The following DSG1 variants were observed in gnomAD, a reference collection of about 807,000 sequenced individuals.
DSG1 encodes desmoglein-1.
A neutral mutation model predicts 97.5 loss-of-function variants in DSG1; 39 were observed. The ratio of observed to expected loss-of-function variants is 0.40; its 90% confidence interval spans 0.31 to 0.52. DSG1 has a LOEUF of 0.52. Ranked by LOEUF, DSG1 falls within the 20% of genes least tolerant of loss-of-function variation. The pLI, the probability that DSG1 is intolerant of heterozygous loss-of-function variation, is 0.53. For synonymous variants in DSG1, 475 were observed against 443.4 expected (o/e 1.07, Z -0.90); for missense variants, 1,311 against 1,295.4 (o/e 1.01, Z -0.18).
intron 13 of DSG1, chr18:31,345,407 G>T (rs2071823991): frequency 6.6e-6 from 1 of 152,340 alleles, no homozygotes; most frequent in Non-Finnish European, 1.5e-5. Flanking sequence ...CCTGTGCAGG[G>T]GCAATCCTAA....
intron 14 of DSG1, chr18:31,354,012 G>A: frequency 5.3e-6 from 2 of 374,428 alleles, no homozygotes; most frequent in Non-Finnish European, 9.8e-6. Context: ...CAATTCATGT[G>A]ATTTTTTTGT....
Position 31,340,119 on chromosome 18 carries a change from A to T in DSG1, c.1687+94A>T, listed in dbSNP as rs1028402875. ...GATTCTTTGATAAAACGTATTTTACAAATTCTCATTTTGTGCAATTATAAA... is the reference window on the plus strand; with the variant it reads ...GATTCTTTGATAAAACGTATTTTACTAATTCTCATTTTGTGCAATTATAAA... On this transcript the variant is annotated intron_variant, in intron 11 of 14. Coordinates refer to ENST00000257192, the MANE Select transcript of DSG1 (RefSeq NM_001942.4). 3.0e-6 allele frequency: 4 copies of T among 1,322,950 alleles called. No homozygotes were observed. In the African/African-American group the frequency reaches 4.4e-5, roughly 15 times the overall value. The allele number at this position is 1,322,950 out of a possible 1,614,324, so 82.0% of individuals were successfully genotyped here.
chr18:31,350,888 T>C (rs1255537447), intron 14 of DSG1, among the ~76,000 whole-genome samples: 1 of 150,854 alleles, frequency 6.6e-6, no homozygotes, highest in Non-Finnish European at 1.5e-5. Flanking sequence ...GCTAGCAGTC[T>C]ATCAATTTTG....
chr18:31,343,532 A>G lies in DSG1; in HGVS notation c.1770A>G (p.Ser590=). The part of the protein sequence containing the change: ...AAGFEPVPEC[S]DGAIHSWAVE... ...GCTTTGAGCCTGTTCCCGAATGTTC[A>G]GATGGAGCAATTCATTCATGGGCAG... Residue 590 remains serine, a synonymous_variant, in exon 12 of 15, where the codon TCA becomes TCG. Coordinates refer to ENST00000257192, the MANE Select transcript of DSG1 (RefSeq NM_001942.4). 2 of 1,614,162 alleles carry G rather than the reference A, an allele frequency of 1.2e-6. No individual in the cohort carries two copies. Among genetic ancestry groups the G allele is most frequent in the Non-Finnish European group, 1.7e-6 (2 of 1,180,030 alleles).
intron 14 of DSG1, among the ~76,000 whole-genome samples, chr18:31,347,125 A>C (rs11875693): frequency 0.04 from 6,046 of 152,274 alleles, 414 homozygotes; most frequent in African/African-American, 0.14. Flanking sequence ...AAGTGGTTTC[A>C]TTAACTAACC....
At chr18:31,338,526 C>A in intron 10 of DSG1, 72 bp downstream of exon 10, 1 of 1,538,836 alleles carries the variant, frequency 6.5e-7, no homozygotes, top group Middle Eastern at 1.7e-4. Context: ...AACATTTTAA[C>A]TATCACATTT....
rs755532326 is a variant in DSG1, at chr18:31,330,016, T to G, written c.497T>G (p.Ile166Arg). 6.2e-7 allele frequency: 1 copy of G among 1,613,102 alleles called. No homozygotes were observed. Among genetic ancestry groups the G allele is most frequent in the Non-Finnish European group, 8.5e-7 (1 of 1,179,248 alleles). The change falls in exon 5 of 15, where the codon ATA becomes AGA. Residue 166 changes from isoleucine to arginine, a missense_variant. Transcript: ENST00000257192. ...TCAATGGCTACATTTGCAGGACAAATAGAAGAAAATTCTAATGCAAGTAAG... is the reference window on the plus strand; with the variant it reads ...TCAATGGCTACATTTGCAGGACAAAGAGAAGAAAATTCTAATGCAAGTAAG... ...VFSMATFAGQ[I>R]EENSNANTLV...
At position 31,334,058 on chromosome 18, in the gene DSG1, G is replaced by C. The variant is rs150445875; in HGVS notation, c.861G>C (p.Leu287Phe). The C allele has an allele frequency of 6.2e-7, 1 of 1,610,538 alleles. No individual in the cohort carries two copies. Among genetic ancestry groups the C allele is most frequent in the Admixed American group, 1.7e-5 (1 of 59,942 alleles). Reference protein sequence around the residue: ...EIQENTLNSNLLEIRVIDLDE... With the variant: ...EIQENTLNSNFLEIRVIDLDE... ...AAGAAAATACTCTAAATTCAAATTT[G>C]CTCGAGATTAGAGTAATTGATTTGG... is the stretch of plus-strand genomic sequence containing the variant. Residue 287 changes from leucine (L) to phenylalanine (F), a missense_variant, in exon 8 of 15, where the codon TTG becomes TTC. Leu to Phe is a conservative substitution (Grantham distance 22). This residue lies in a region of DSG1 where 1,038 missense variants were observed against 964.6 expected (regional missense o/e 1.08). Coordinates refer to ENST00000257192, the MANE Select transcript of DSG1 (RefSeq NM_001942.4).
chr18:31,351,227 C>T (rs2071893408), intron 14 of DSG1, among the ~76,000 whole-genome samples: 1 of 149,162 alleles, frequency 6.7e-6, no homozygotes, highest in African/African-American at 2.5e-5. Flanking sequence ...TCGTTATGTA[C>T]CCAGTAGTCA....
In DSG1 at chr18:31,355,056, A is replaced by T. The variant is rs781541200; in HGVS notation, c.2860A>T (p.Arg954Trp). The T allele has an allele frequency of 1.9e-5, 30 of 1,614,036 alleles. 1 individual carries two copies. In the South Asian group the frequency reaches 3.3e-4, roughly 18 times the overall value. ...TGCCCACAATGTCATTGTGACAGAG[A>T]GGGTTGTTTCTGGTGCTGGCGTAAC... ...ANAHNVIVTERVVSGAGVTGI... is the reference protein window; with the variant it reads ...ANAHNVIVTEWVVSGAGVTGI... The change falls in exon 15 of 15, where the codon AGG becomes TGG. Residue 954 changes from arginine to tryptophan, a missense_variant. Coordinates refer to ENST00000257192, the MANE Select transcript of DSG1 (RefSeq NM_001942.4).
At position 31,343,436 on chromosome 18, in the gene DSG1, C is replaced by G; in HGVS notation, c.1688-14C>G. On this transcript the variant is annotated splice_polypyrimidine_tract_variant and intron_variant, in intron 11 of 14. Transcript: ENST00000257192. ...CCAGTGCTAACTCTAGTATTACTAT[C>G]CCTCCACCACCAGTGGTCCCATTTT... The G allele has an allele frequency of 1.2e-6, 2 of 1,614,054 alleles. No individual in the cohort carries two copies. The highest frequency in any genetic ancestry group is 1.7e-5 in the Admixed American group (1 of 60,012).
intron 11 of DSG1, among the ~76,000 whole-genome samples, chr18:31,341,485 G>C (rs1167148306): frequency 6.6e-6 from 1 of 152,112 alleles, no homozygotes; most frequent in Non-Finnish European, 1.5e-5. Context: ...TCTAAACAAC[G>C]AGTCTGGCCA....
rs201160049 is a variant in DSG1, at chr18:31,346,077, T to C, written c.1979T>C (p.Val660Ala). The C allele has an allele frequency of 1.2e-6, 2 of 1,613,646 alleles. No homozygotes were observed. Among genetic ancestry groups the C allele is most frequent in the Non-Finnish European group, 1.7e-6 (2 of 1,179,772 alleles). The change falls in exon 14 of 15, where the codon GTT becomes GCT. Residue 660 changes from valine (V) to alanine (A), a missense_variant. Val to Ala is a moderately conservative substitution (Grantham distance 64, BLOSUM62 0). Coordinates refer to ENST00000257192, the MANE Select transcript of DSG1 (RefSeq NM_001942.4). The part of the protein sequence containing the change: ...RMTGFELTEG[V>A]KTSGMPEICQ... The stretch of plus-strand genomic sequence containing the variant: ...ACAGGATTTGAACTAACAGAGGGAG[T>C]TAAAACTTCAGGAATGCCTGAGATA...
rs770039303 is a variant in DSG1 at position 31,343,539 on chromosome 18, G to A, written c.1777G>A (p.Ala593Thr). 2 of 1,614,048 alleles carry A rather than the reference G, an allele frequency of 1.2e-6. No homozygotes were observed. The highest frequency in any genetic ancestry group is 1.7e-6 in the Non-Finnish European group (2 of 1,180,050). Reference sequence around the variant, plus strand: ...GCCTGTTCCCGAATGTTCAGATGGAGCAATTCATTCATGGGCAGTAGAAGG... The same window carrying A: ...GCCTGTTCCCGAATGTTCAGATGGAACAATTCATTCATGGGCAGTAGAAGG... ...FEPVPECSDG[A>T]IHSWAVEGPQ... is the part of the protein sequence containing the mutation. Residue 593 changes from alanine to threonine, a missense_variant, in exon 12 of 15, where the codon GCA becomes ACA. Coordinates refer to ENST00000257192, the MANE Select transcript of DSG1 (RefSeq NM_001942.4).
chr18:31,351,495 C>A (rs1311378728), intron 14 of DSG1, among the ~76,000 whole-genome samples: 6 of 151,370 alleles, frequency 4.0e-5, no homozygotes, highest in Admixed American at 6.6e-5. Context: ...CCGCCTGGTG[C>A]AGAGCTGAGT....
At chr18:31,335,052 T>C (rs2071743382) in intron 8 of DSG1, among the ~76,000 whole-genome samples, 2 of 150,978 alleles carry the variant, frequency 1.3e-5, no homozygotes, top group African/African-American at 4.8e-5. Context: ...AAACAGACTC[T>C]CAAACGACTC....
intron 1 of DSG1, among the ~76,000 whole-genome samples, chr18:31,321,922 C>T (rs1031115691): frequency 6.6e-5 from 10 of 152,172 alleles, no homozygotes; most frequent in African/African-American, 2.2e-4. Flanking sequence ...TGCCAGGCAC[C>T]GCAATTAGAT....
intron 9 of DSG1, among the ~76,000 whole-genome samples, chr18:31,337,213 C>A (rs1157008188): frequency 1.3e-5 from 2 of 152,082 alleles, no homozygotes; most frequent in African/African-American, 4.8e-5. Context: ...AAGCACTTTA[C>A]CCATGCATTT....
intron 11 of DSG1, 174 bp from the exon 12 acceptor site, chr18:31,343,276 C>T: frequency 1.2e-6 from 1 of 844,744 alleles, no homozygotes; most frequent in South Asian, 1.5e-5. Flanking sequence ...TATACAGAAG[C>T]TCCCATTTAC....
Sources: gnomAD v4.1 joint callset for allele counts (sites outside exome capture counted in the v4.1 genomes callset) on GRCh38, gnomAD v4.1.1 for gene constraint, gnomAD v4.1.1 regional missense constraint, MANE v1.5 for transcripts, NCBI Gene and HGNC (gene_info 2026-07-23, HGNC 2026-07-21) for gene names.